TACC2: variants seen among roughly 807,000 people sequenced by gnomAD.
The protein encoded by TACC2 is transforming acidic coiled-coil-containing protein 2.
A neutral mutation model predicts 227.3 loss-of-function variants in TACC2; 137 were observed. The ratio of observed to expected loss-of-function variants is 0.60; its 90% CI spans 0.52 to 0.69. TACC2 has a LOEUF of 0.69. Ranked by LOEUF, TACC2 falls within the 30% of genes least tolerant of loss-of-function variation. The pLI, the probability that TACC2 is intolerant of heterozygous loss-of-function variation, is 0.00. For synonymous variants in TACC2, 1,523 were observed against 1,487.5 expected (o/e 1.02, Z -0.55); for missense variants, 3,470 against 3,694.4 (o/e 0.94, Z 1.57).
chr10:122,159,364 C>T (rs189647037), intron 7 of TACC2, among the ~76,000 whole-genome samples: 558 of 152,298 alleles, frequency 3.7e-3, no homozygotes, highest in Non-Finnish European at 5.7e-3. Flanking sequence ...GGAGAAAGCC[C>T]GGCACCGCAC....
chr10:122,070,320 G>T (rs576330632), intron 3 of TACC2, among the ~76,000 whole-genome samples: 1 of 152,240 alleles, frequency 6.6e-6, no homozygotes, highest in South Asian at 2.1e-4. Context: ...TATCAAGAAG[G>T]GATATAGACT....
intron 5 of TACC2, among the ~76,000 whole-genome samples, chr10:122,112,187 A>G (rs1048281592): frequency 6.6e-6 from 1 of 152,154 alleles, no homozygotes; most frequent in African/African-American, 2.4e-5. Context: ...TGCTGTCTAT[A>G]TATAGTCACG....
chr10:122,129,351 C>T (rs2087583966), intron 5 of TACC2, among the ~76,000 whole-genome samples: 1 of 152,116 alleles, frequency 6.6e-6, no homozygotes, highest in East Asian at 1.9e-4. Flanking sequence ...AGCTACTGCG[C>T]CCGGCCTACC....
rs748018931 is a variant in TACC2, at chr10:122,087,811, A to G, written c.5311A>G (p.Arg1771Gly). 7.0e-6 allele frequency: 11 copies of G among 1,573,066 alleles called. No homozygotes were observed. Among genetic ancestry groups the G allele is most frequent in the Non-Finnish European group, 9.5e-6 (11 of 1,158,230 alleles). Residue 1771 changes from arginine (R) to glycine (G), a missense_variant, in exon 4 of 23, where the codon AGG becomes GGG. By Grantham distance (125) the Arg-to-Gly change is moderately radical (BLOSUM62 -2). Transcript: ENST00000369005. ...TAALHGDSPA[R>G]PQQAKEQPGP... is the part of the protein sequence containing the mutation. ...TGCCCTTCATGGGGACAGCCCAGCC[A>G]GGCCCCAGCAGGCTAAGGAGCAGCC...
chr10:122,012,441 A>AAAAATT, intron 1 of TACC2, among the ~76,000 whole-genome samples: 1 of 143,020 alleles, frequency 7.0e-6, no homozygotes, highest in Non-Finnish European at 1.5e-5. Flanking sequence ...AAAAAAAAAG[A>AAAAATT]TGGGGTTTCG....
At chr10:122,149,508 C>T (rs936695503) in intron 7 of TACC2, among the ~76,000 whole-genome samples, 2 of 152,166 alleles carry the variant, frequency 1.3e-5, no homozygotes, top group African/African-American at 2.4e-5. Flanking sequence ...CGGCCCCACC[C>T]GCCCTGGGCA....
At chr10:122,188,765 A>C (rs1173799004) in intron 7 of TACC2, among the ~76,000 whole-genome samples, 1 of 152,244 alleles carries the variant, frequency 6.6e-6, no homozygotes, top group Non-Finnish European at 1.5e-5. Context: ...CGGGAACCCC[A>C]GTAACATCAC....
At chr10:122,114,761 A>G (rs1565340125) in intron 5 of TACC2, among the ~76,000 whole-genome samples, 1 of 152,220 alleles carries the variant, frequency 6.6e-6, no homozygotes, top group Non-Finnish European at 1.5e-5. Flanking sequence ...AGTTATTCAT[A>G]TACCGGTGTT....
At chr10:122,066,346 G>C (rs2077389965) in intron 3 of TACC2, among the ~76,000 whole-genome samples, 1 of 150,688 alleles carries the variant, frequency 6.6e-6, no homozygotes. Context: ...TCAGCTTACT[G>C]CAACCTCCAC....
chr10:122,205,202 C>G lies in TACC2; in HGVS notation c.5972-5195C>G, dbSNP rs748524655. ...GAACAGAAGTTTGAGAGCAGACATA[C>G]GAGAGCAAGATAGACCTCAGGAAGC... On this transcript the variant is annotated intron_variant, in intron 8 of 22. Coordinates refer to ENST00000369005, the MANE Select transcript of TACC2 (RefSeq NM_206862.4). The surrounding 1 kb of genome is among the most constrained non-coding windows in gnomAD (Gnocchi z 4.5). Among the ~76,000 whole-genome samples, 1 of 152,174 alleles carries G rather than the reference C, an allele frequency of 6.6e-6. No homozygotes were observed. The highest frequency in any genetic ancestry group is 1.5e-5 in the Non-Finnish European group (1 of 68,030).
chr10:122,151,485 C>T (rs957454586), intron 7 of TACC2, among the ~76,000 whole-genome samples: 4 of 152,052 alleles, frequency 2.6e-5, no homozygotes, highest in South Asian at 2.1e-4. Flanking sequence ...GGAGGTACGG[C>T]GGTCTCAGAC....
chr10:122,210,670 C>T lies in TACC2; in HGVS notation c.6245C>T (p.Thr2082Ile). ...GATTCCGTCCCCATCTCTAAGTCTA[C>T]ACTGTCCCGGTCGCTCAGCCTGCAA... ...STDSVPISKS[T>I]LSRSLSLQAS... The change falls in exon 9 of 23, where the codon ACA becomes ATA. Residue 2082 changes from threonine (T) to isoleucine (I), a missense_variant. Thr to Ile is a moderately conservative substitution (Grantham distance 89). Coordinates refer to ENST00000369005, the MANE Select transcript of TACC2 (RefSeq NM_206862.4). The surrounding 1 kb of genome is among the most constrained non-coding windows in gnomAD (Gnocchi z 4.6). 1 of 1,614,102 alleles carries T rather than the reference C, an allele frequency of 6.2e-7. No homozygotes were observed. The highest frequency in any genetic ancestry group is 8.5e-7 in the Non-Finnish European group (1 of 1,180,020).
intron 2 of TACC2, among the ~76,000 whole-genome samples, chr10:122,032,673 A>C (rs1195332012): frequency 6.6e-6 from 1 of 151,610 alleles, no homozygotes; most frequent in African/African-American, 2.4e-5. Context: ...GGGAGTAAAA[A>C]CCATGGCCAG....
intron 3 of TACC2, among the ~76,000 whole-genome samples, chr10:122,077,892 A>G (rs1565224042): frequency 6.6e-6 from 1 of 152,016 alleles, no homozygotes; most frequent in South Asian, 2.1e-4. Flanking sequence ...ATTAAGCGCA[A>G]TCGTAACTGA....
chr10:122,172,167 G>A (rs2093504475), intron 7 of TACC2, among the ~76,000 whole-genome samples: 1 of 152,238 alleles, frequency 6.6e-6, no homozygotes. Flanking sequence ...ACTCAAGGCT[G>A]CAGGGATATG....
In TACC2 at chr10:122,083,170, G is replaced by A; in HGVS notation, c.670G>A (p.Glu224Lys). The change falls in exon 4 of 23, where the codon GAG becomes AAG. Residue 224 changes from glutamate (E) to lysine (K), a missense_variant. Glu to Lys is a moderately conservative substitution (Grantham distance 56). This residue lies in a region of TACC2 where 405 missense variants were observed against 389.6 expected (regional missense o/e 1.04). Coordinates refer to ENST00000369005, the MANE Select transcript of TACC2 (RefSeq NM_206862.4). ...AGAGGGGGACCAGCCTGGTGGTTTTGAGTCCCAAGAGAAAGAGGCTGCAGG... is the reference window on the plus strand; with the variant it reads ...AGAGGGGGACCAGCCTGGTGGTTTTAAGTCCCAAGAGAAAGAGGCTGCAGG... ...CGEGDQPGGFESQEKEAAGGF... is the reference protein window; with the variant it reads ...CGEGDQPGGFKSQEKEAAGGF... 3.7e-6 allele frequency: 6 copies of A among 1,613,254 alleles called. No homozygotes were observed. Among genetic ancestry groups the A allele is most frequent in the Non-Finnish European group, 5.1e-6 (6 of 1,180,002 alleles).
In TACC2 at chr10:122,012,418, C is replaced by CAAA. The variant is rs752342348; in HGVS notation, c.-45-9500_-45-9498dup. Among the ~76,000 whole-genome samples the CAAA allele has an allele frequency of 5.6e-4, 34 of 60,708 alleles. 1 individual carries two copies. Among genetic ancestry groups the CAAA allele is most frequent in the Admixed American group, 8.1e-4 (4 of 4,954 alleles). 39.8% of individuals were successfully genotyped at this position (60,708 alleles called of 152,430 possible). ...CTGGTGCCAGAGCAAGACTCCGTCT[C>CAAA]AAAAAAAAAAAAAAAAAAAAAGATG... On this transcript the variant is annotated intron_variant, in intron 1 of 22. Coordinates refer to ENST00000369005, the MANE Select transcript of TACC2 (RefSeq NM_206862.4).
intron 7 of TACC2, among the ~76,000 whole-genome samples, chr10:122,171,441 A>C (rs1437690966): frequency 6.6e-6 from 1 of 152,194 alleles, no homozygotes. Context: ...TATGGGGCCG[A>C]GAACTCAGGC....
chr10:122,091,451 A>G (rs901065733), intron 5 of TACC2, among the ~76,000 whole-genome samples: 1 of 152,156 alleles, frequency 6.6e-6, no homozygotes, highest in Non-Finnish European at 1.5e-5. Context: ...GTCACATTCT[A>G]TTTGGATCAC....
Sources: gnomAD v4.1 joint callset for allele counts (sites outside exome capture counted in the v4.1 genomes callset) on GRCh38, gnomAD v4.1.1 for gene constraint, gnomAD v4.1.1 regional missense constraint, Gnocchi (gnomAD v3.1) non-coding constraint, MANE v1.5 for transcripts, NCBI Gene and HGNC (gene_info 2026-07-23, HGNC 2026-07-21) for gene names.